Variants in VKORC1L1 observed in about 807,000 individuals in gnomAD.
VKORC1L1 encodes vitamin K epoxide reductase complex subunit 1-like protein 1.
Under a neutral mutation model 18.9 loss-of-function variants are expected in VKORC1L1, and 2 were observed. That is an observed-to-expected ratio of 0.11 (90% confidence interval 0.04 to 0.33). VKORC1L1 has a LOEUF of 0.33. Among genes scored for constraint, VKORC1L1 ranks in the 10% least tolerant of loss-of-function variants. The pLI is 1.00. For synonymous variants in VKORC1L1, 96 were observed against 100.0 expected (o/e 0.96, Z 0.24); for missense variants, 123 against 224.1 (o/e 0.55, Z 2.88).
chr7:65,943,876 A>G (rs530070459), intron 1 of VKORC1L1, among the ~76,000 whole-genome samples: 1 of 152,328 alleles, frequency 6.6e-6, no homozygotes, highest in South Asian at 2.1e-4. Flanking sequence ...AGGTGGTAAA[A>G]GCAAGATAAT....
intron 1 of VKORC1L1, among the ~76,000 whole-genome samples, chr7:65,922,659 T>G (rs1034736531): frequency 3.9e-5 from 6 of 152,238 alleles, no homozygotes; most frequent in African/African-American, 1.2e-4. Flanking sequence ...GAGAAGAAAT[T>G]GTTTTTAACC....
chr7:65,895,868 AAG>A (rs1385960816), intron 1 of VKORC1L1, among the ~76,000 whole-genome samples: 3 of 151,050 alleles, frequency 2.0e-5, no homozygotes, highest in Non-Finnish European at 4.4e-5. Context: ...TTGGGAAAAA[AAG>A]AGAACTATCT....
rs549159431 is a variant in VKORC1L1, at chr7:65,956,535, T to C, written c.*2235T>C. ...TTTCTAAGCCTCGGGGAAACCACTG[T>C]TTCAGTTGTATAAAAACTTTTGCCA... On this transcript the variant is annotated 3_prime_UTR_variant, in exon 3 of 3. Transcript: ENST00000360768. 9 of 152,342 alleles carry C rather than the reference T, an allele frequency of 5.9e-5. No homozygotes were observed. The highest frequency in any genetic ancestry group is 1.9e-4 in the African/African-American group (8 of 41,572). 9.4% of individuals were successfully genotyped at this position (152,342 alleles called of 1,614,324 possible).
chr7:65,898,764 T>C (rs1789260842), intron 1 of VKORC1L1, among the ~76,000 whole-genome samples: 2 of 152,330 alleles, frequency 1.3e-5, no homozygotes. Context: ...GTGTAAAGTA[T>C]ATTCATATTG....
At position 65,873,153 on chromosome 7, in the gene VKORC1L1, C is replaced by T. The variant is rs955184586; in HGVS notation, c.-219C>T. On this transcript the variant is annotated 5_prime_UTR_variant, in exon 1 of 3. Transcript: ENST00000360768. Reference sequence around the variant, plus strand: ...TCCGCGCCCGCGCGCGCCTTCCCCGCCCCGTCCGCCTCACTCCTTTTGGGG... The same window carrying T: ...TCCGCGCCCGCGCGCGCCTTCCCCGTCCCGTCCGCCTCACTCCTTTTGGGG... 1.3e-5 allele frequency: 6 copies of T among 458,262 alleles called. No individual in the cohort carries two copies. Among genetic ancestry groups the T allele is most frequent in the East Asian group, 3.1e-4 (2 of 6,372 alleles). 28.4% of individuals were successfully genotyped at this position (458,262 alleles called of 1,614,324 possible).
the VKORC1L1 span, among the ~76,000 whole-genome samples, chr7:65,866,913 G>C: frequency 1.3e-5 from 2 of 152,056 alleles, no homozygotes; most frequent in Non-Finnish European, 2.9e-5. Context: ...AAGAAGAGCT[G>C]GGTGTGGTGG....
At chr7:65,895,469 AAAAAAAAAAAAATATATAT>A (rs1789179406) in intron 1 of VKORC1L1, among the ~76,000 whole-genome samples, 7 of 53,998 alleles carry the variant, frequency 1.3e-4, no homozygotes, top group East Asian at 1.2e-3. Flanking sequence ...AAAAAAAAAA[AAAAAAAAAAAAATATATAT>A]ATATATATAT....
chr7:65,952,376 A>G (rs1201391421), intron 2 of VKORC1L1, among the ~76,000 whole-genome samples: 1 of 152,224 alleles, frequency 6.6e-6, no homozygotes, highest in Non-Finnish European at 1.5e-5. Context: ...CTGGGTGCCA[A>G]TAAAACTTTA....
chr7:65,895,516 T>TATATATATATATATATAC (rs370356956), intron 1 of VKORC1L1, among the ~76,000 whole-genome samples: 2 of 71,602 alleles, frequency 2.8e-5, no homozygotes, highest in Non-Finnish European at 5.3e-5. Context: ...TATATATATA[T>TATATATATATATATATAC]ACACACACAC....
chr7:65,871,860 G>A (rs11770828), upstream of VKORC1L1, among the ~76,000 whole-genome samples: 77,894 of 151,224 alleles, frequency 0.52, 21,047 homozygotes, highest in East Asian at 0.81. Flanking sequence ...TTCCTAGCCC[G>A]TGGAAACTGT....
intron 1 of VKORC1L1, among the ~76,000 whole-genome samples, chr7:65,901,889 C>CT (rs963376450): frequency 1.3e-5 from 2 of 152,122 alleles, no homozygotes; most frequent in African/African-American, 4.8e-5. Flanking sequence ...TGGGAATAGT[C>CT]TGTGTTCCCA....
At chr7:65,938,356 T>A (rs766922975) in intron 1 of VKORC1L1, among the ~76,000 whole-genome samples, 14 of 152,206 alleles carry the variant, frequency 9.2e-5, no homozygotes, top group Non-Finnish European at 1.8e-4. Flanking sequence ...TATATCATGG[T>A]AATCTCCTAG....
At chr7:65,900,273 T>C (rs1306155586) in intron 1 of VKORC1L1, among the ~76,000 whole-genome samples, 3 of 143,726 alleles carry the variant, frequency 2.1e-5, no homozygotes, top group Non-Finnish European at 3.1e-5. Flanking sequence ...ACCTGTAGTC[T>C]CAGCTACTCG....
At chr7:65,904,834 A>G (rs1256749478) in intron 1 of VKORC1L1, among the ~76,000 whole-genome samples, 3 of 152,202 alleles carry the variant, frequency 2.0e-5, no homozygotes, top group Non-Finnish European at 2.9e-5. Context: ...ACAAGAGAAG[A>G]TAAAAATCTC....
At chr7:65,945,880 A>G (rs1333437918) in intron 1 of VKORC1L1, among the ~76,000 whole-genome samples, 1 of 151,768 alleles carries the variant, frequency 6.6e-6, no homozygotes, top group Non-Finnish European at 1.5e-5. Flanking sequence ...TTTAGCCATG[A>G]TAATTTTGGC....
intron 1 of VKORC1L1, among the ~76,000 whole-genome samples, chr7:65,874,013 G>A (rs1345688205): frequency 6.6e-6 from 1 of 152,178 alleles, no homozygotes; most frequent in Non-Finnish European, 1.5e-5. Context: ...CCCCCCGATC[G>A]CTGCAGCCGA....
Position 65,956,962 on chromosome 7 carries a change from C to G in VKORC1L1, c.*2662C>G, listed in dbSNP as rs995726510. On this transcript the variant is annotated 3_prime_UTR_variant, in exon 3 of 3. Transcript: ENST00000360768. ...TCACAAATATCATTTGAAGAAATAA[C>G]AGGAATTGGGGTTAGATGATAAATT... 6 of 152,090 alleles carry G rather than the reference C, an allele frequency of 3.9e-5. No individual in the cohort carries two copies. Among genetic ancestry groups the G allele is most frequent in the African/African-American group, 1.4e-4 (6 of 41,402 alleles). The allele number at this position is 152,090 out of a possible 1,614,324, so 9.4% of individuals were successfully genotyped here.
intron 2 of VKORC1L1, among the ~76,000 whole-genome samples, chr7:65,952,495 G>A (rs183183142): frequency 1.3e-5 from 2 of 152,156 alleles, no homozygotes; most frequent in South Asian, 2.1e-4. Flanking sequence ...GTGGCTGTGC[G>A]GCAGCCGGCC....
rs907352147 is a variant in VKORC1L1 at position 65,958,176 on chromosome 7, A to G, written c.*3876A>G. On this transcript the variant is annotated 3_prime_UTR_variant, in exon 3 of 3. Transcript: ENST00000360768. The stretch of plus-strand genomic sequence containing the variant: ...GTGAGAACTACCCTTCCATCAAACA[A>G]AAAGGGCAAGGGTGGGAGCCCCGGC... 1 of 152,250 alleles carries G rather than the reference A, an allele frequency of 6.6e-6. No homozygotes were observed. Among genetic ancestry groups the G allele is most frequent in the African/African-American group, 2.4e-5 (1 of 41,476 alleles). The allele number at this position is 152,250 out of a possible 1,614,324, so 9.4% of individuals were successfully genotyped here.
Sources: allele counts gnomAD v4.1 joint callset (sites outside exome capture counted in the v4.1 genomes callset), GRCh38; gene constraint gnomAD v4.1.1; transcripts MANE v1.5; gene names NCBI Gene and HGNC (gene_info 2026-07-23, HGNC 2026-07-21).